DPP10: variants seen among roughly 807,000 people sequenced by gnomAD.
The protein encoded by DPP10 is dipeptidyl peptidase like 10, also known as inactive dipeptidyl peptidase 10.
DPP10 carries 33 observed loss-of-function variants against 120.9 expected under a neutral mutation model. The observed-to-expected ratio is 0.27, with a 90% CI of 0.21 to 0.37. DPP10 has a LOEUF of 0.37. Ranked by LOEUF, DPP10 falls within the 10% of genes least tolerant of loss-of-function variation. The pLI is 1.00. For missense variants in DPP10, 816 were observed against 942.8 expected, an observed-to-expected ratio of 0.87 and a Z score of 1.76; for synonymous variants, 337 against 326.1, an observed-to-expected ratio of 1.03 and a Z score of -0.36.
chr2:115,333,533 A>G (rs990609584), intron 2 of DPP10, among the ~76,000 whole-genome samples: 1 of 151,988 alleles, frequency 6.6e-6, no homozygotes, highest in Non-Finnish European at 1.5e-5. Context: ...GGTCTTTACA[A>G]TTTGGCATGT....
chr2:115,096,350 A>G (rs1401086755), intron 1 of DPP10, among the ~76,000 whole-genome samples: 1 of 152,226 alleles, frequency 6.6e-6, no homozygotes, highest in Non-Finnish European at 1.5e-5. Flanking sequence ...ATATTTATAT[A>G]TGCACATTAA....
chr2:115,019,812 A>T (rs1453240386), intron 1 of DPP10, among the ~76,000 whole-genome samples: 1 of 152,356 alleles, frequency 6.6e-6, no homozygotes, highest in African/African-American at 2.4e-5. Context: ...TTAACAGCAG[A>T]TTTCTCAGCA....
At chr2:114,834,560 C>A (rs957706298) in intron 1 of DPP10, among the ~76,000 whole-genome samples, 3 of 145,732 alleles carry the variant, frequency 2.1e-5, no homozygotes, top group African/African-American at 7.4e-5. Flanking sequence ...CATATCTACG[C>A]ACCTATGTAT....
chr2:114,501,570 T>A (rs1355718630), intron 1 of DPP10, among the ~76,000 whole-genome samples: 2 of 151,986 alleles, frequency 1.3e-5, no homozygotes, highest in Non-Finnish European at 2.9e-5. Context: ...GGCGGAGGAG[T>A]AACTTGAAGG....
intron 3 of DPP10, among the ~76,000 whole-genome samples, chr2:115,379,337 T>G (rs1221625688): frequency 6.6e-6 from 1 of 152,180 alleles, no homozygotes. Context: ...AGTTTATTTG[T>G]GTAGAGTTGT....
chr2:115,121,869 A>C (rs1161282840), intron 1 of DPP10, among the ~76,000 whole-genome samples: 1 of 152,166 alleles, frequency 6.6e-6, no homozygotes, highest in Admixed American at 6.6e-5. Context: ...CCTGAGGCTG[A>C]CTTTTGTAAT....
chr2:114,581,281 T>C (rs1690503118), intron 1 of DPP10, among the ~76,000 whole-genome samples: 1 of 143,016 alleles, frequency 7.0e-6, no homozygotes. Context: ...CCTCCTGGGT[T>C]CACGCCATTC....
chr2:114,598,327 G>T (rs186724862), intron 1 of DPP10, among the ~76,000 whole-genome samples: 72 of 152,002 alleles, frequency 4.7e-4, no homozygotes, highest in African/African-American at 1.6e-3. Context: ...TGATCAAACT[G>T]TGCCTTAAGA....
chr2:115,098,920 G>C (rs966220939), intron 1 of DPP10, among the ~76,000 whole-genome samples: 2 of 151,976 alleles, frequency 1.3e-5, no homozygotes, highest in Non-Finnish European at 2.9e-5. Context: ...AAACTTCTCA[G>C]GCCTTACCTG....
At chr2:114,687,143 T>A (rs1699425612) in intron 1 of DPP10, among the ~76,000 whole-genome samples, 1 of 151,924 alleles carries the variant, frequency 6.6e-6, no homozygotes, top group Non-Finnish European at 1.5e-5. Flanking sequence ...AATATATGCA[T>A]GGACAAGAAT....
chr2:114,794,594 A>G (rs1417264651), intron 1 of DPP10, among the ~76,000 whole-genome samples: 1 of 152,174 alleles, frequency 6.6e-6, no homozygotes, highest in Non-Finnish European at 1.5e-5. Context: ...TTTGTACCCA[A>G]ATTAACAGGC....
chr2:115,178,839 C>A (rs915139029), intron 1 of DPP10, among the ~76,000 whole-genome samples: 3 of 152,162 alleles, frequency 2.0e-5, no homozygotes, highest in African/African-American at 7.2e-5. Flanking sequence ...CATTGTAAAT[C>A]AAAAATATCA....
At chr2:114,463,883 A>G (rs997350272) in intron 1 of DPP10, among the ~76,000 whole-genome samples, 1 of 152,176 alleles carries the variant, frequency 6.6e-6, no homozygotes, top group Non-Finnish European at 1.5e-5. Flanking sequence ...TCGTGTGAAT[A>G]AGATCATAGA....
intron 1 of DPP10, among the ~76,000 whole-genome samples, chr2:115,052,063 G>C (rs980537570): frequency 2.6e-5 from 4 of 152,122 alleles, no homozygotes; most frequent in Admixed American, 2.0e-4. Flanking sequence ...AAAGTGCTGA[G>C]ACCACTCAGT....
chr2:115,245,086 C>T (rs2058472985), intron 1 of DPP10, among the ~76,000 whole-genome samples: 1 of 151,970 alleles, frequency 6.6e-6, no homozygotes, highest in Non-Finnish European at 1.5e-5. Context: ...TAACTGAGGA[C>T]ATGTGATATT....
At chr2:114,474,163 A>C (rs1326571605) in intron 1 of DPP10, among the ~76,000 whole-genome samples, 1 of 152,102 alleles carries the variant, frequency 6.6e-6, no homozygotes, top group Admixed American at 6.5e-5. Context: ...GCACCATGTT[A>C]GACAGTCTGG....
chr2:115,507,707 T>C (rs2077019996), intron 4 of DPP10, among the ~76,000 whole-genome samples: 1 of 152,158 alleles, frequency 6.6e-6, no homozygotes, highest in South Asian at 2.1e-4. Flanking sequence ...TTGTGAGCAG[T>C]AGGTACACTC....
intron 1 of DPP10, among the ~76,000 whole-genome samples, chr2:114,836,193 T>C (rs1233887839): frequency 1.3e-5 from 2 of 152,218 alleles, no homozygotes; most frequent in South Asian, 2.1e-4. Context: ...CTTCCTTCTC[T>C]GCCTTTCATA....
At chr2:114,680,200 G>A (rs762393643) in intron 1 of DPP10, among the ~76,000 whole-genome samples, 19 of 151,880 alleles carry the variant, frequency 1.3e-4, no homozygotes, top group African/African-American at 2.7e-4. Context: ...GTGCTAATAC[G>A]CAGGTATTAA....
Sources: gnomAD v4.1 joint callset for allele counts (sites outside exome capture counted in the v4.1 genomes callset) on GRCh38, gnomAD v4.1.1 for gene constraint, MANE v1.5 for transcripts, NCBI Gene and HGNC (gene_info 2026-07-23, HGNC 2026-07-21) for gene names.